BTAF1: variants seen among roughly 807,000 people sequenced by gnomAD.
The protein encoded by BTAF1 is TATA-binding protein-associated factor 172.
Under a neutral mutation model 227.1 loss-of-function variants are expected in BTAF1, and 38 were observed. The observed-to-expected ratio is 0.17, with a 90% CI of 0.13 to 0.22. The LOEUF is 0.22. BTAF1 is among the 10% of genes least tolerant of loss of function. The probability of loss-of-function intolerance (pLI) is 1.00; values close to 1 mark genes in which losing one functional copy is unlikely to be tolerated. For missense variants in BTAF1, 1,598 were observed against 2,204.0 expected (o/e 0.73, Z 5.51); for synonymous variants, 742 against 751.9 (o/e 0.99, Z 0.21).
intron 1 of BTAF1, among the ~76,000 whole-genome samples, chr10:91,932,323 A>T (rs1844325382): frequency 6.6e-6 from 1 of 152,208 alleles, no homozygotes; most frequent in Non-Finnish European, 1.5e-5. Flanking sequence ...TGATCTTTTC[A>T]GTTACTGAAA....
chr10:92,011,724 G>A (rs948952314), intron 30 of BTAF1, among the ~76,000 whole-genome samples: 3 of 152,150 alleles, frequency 2.0e-5, no homozygotes, highest in Non-Finnish European at 2.9e-5. Context: ...GTAGTACACT[G>A]CAATCTGATT....
intron 1 of BTAF1, among the ~76,000 whole-genome samples, chr10:91,924,960 T>C (rs1341574413): frequency 6.6e-6 from 1 of 152,246 alleles, no homozygotes; most frequent in African/African-American, 2.4e-5. Flanking sequence ...TGGATTCTTT[T>C]ACCATATAGA....
rs764475611 is a variant in BTAF1 at position 91,997,628 on chromosome 10, T to C, written c.3537T>C (p.Gly1179=). 5 of 1,613,344 alleles carry C rather than the reference T, an allele frequency of 3.1e-6. No homozygotes were observed. Among genetic ancestry groups the C allele is most frequent in the Non-Finnish European group, 3.4e-6 (4 of 1,179,422 alleles). The change falls in exon 25 of 38, where the codon GGT becomes GGC. Residue 1179 remains glycine, a synonymous_variant. Coordinates refer to ENST00000265990, the MANE Select transcript of BTAF1 (RefSeq NM_003972.3). The part of the protein sequence containing the change: ...LACVMEQLDV[G]IVPYIVLLVV... ...GTGTAATGGAACAACTAGATGTTGGTATTGTTCCATATATTGTCCTTTTAG... is the reference window on the plus strand; with the variant it reads ...GTGTAATGGAACAACTAGATGTTGGCATTGTTCCATATATTGTCCTTTTAG...
chr10:91,955,888 G>C (rs772636187), intron 6 of BTAF1, among the ~76,000 whole-genome samples: 37 of 152,194 alleles, frequency 2.4e-4, no homozygotes, highest in Non-Finnish European at 4.1e-4. Context: ...AAGATGGAGA[G>C]AGGGGAGAAG....
At chr10:91,954,658 A>C (rs985333272) in intron 6 of BTAF1, among the ~76,000 whole-genome samples, 1 of 152,092 alleles carries the variant, frequency 6.6e-6, no homozygotes, top group Non-Finnish European at 1.5e-5. Flanking sequence ...CCCAGGCTCA[A>C]GCAATCCTCC....
intron 6 of BTAF1, 118 bp from the exon 7 acceptor site, chr10:91,956,410 G>T (rs539358185): frequency 8.0e-7 from 1 of 1,243,906 alleles, no homozygotes; most frequent in South Asian, 1.5e-5. Context: ...TAAAACATTT[G>T]TTTAAATGAT....
At chr10:91,962,451 G>A in intron 11 of BTAF1, 87 bp from the exon 12 acceptor site, 5 of 934,752 alleles carry the variant, frequency 5.3e-6, no homozygotes, top group Non-Finnish European at 6.4e-6. Flanking sequence ...GAATTTAGCT[G>A]TCATGTGGCA....
chr10:91,995,210 G>A (rs1246132232), intron 23 of BTAF1, among the ~76,000 whole-genome samples: 1 of 152,012 alleles, frequency 6.6e-6, no homozygotes, highest in African/African-American at 2.4e-5. Context: ...CTCTGCAATA[G>A]GAAGCTGTCT....
At chr10:91,969,040 A>T (rs1057305268) in intron 14 of BTAF1, among the ~76,000 whole-genome samples, 15 of 130,492 alleles carry the variant, frequency 1.1e-4, no homozygotes, top group East Asian at 2.2e-4. Context: ...AAAAAAAAAA[A>T]TTTTTTTTTT....
At chr10:91,969,273 A>G (rs1195354526) in intron 14 of BTAF1, among the ~76,000 whole-genome samples, 2 of 152,072 alleles carry the variant, frequency 1.3e-5, no homozygotes, top group Non-Finnish European at 2.9e-5. Flanking sequence ...CCAACTTTAC[A>G]TTACTAGAAA....
intron 17 of BTAF1, 56 bp downstream of exon 17, chr10:91,982,281 G>A: frequency 6.2e-7 from 1 of 1,609,778 alleles, no homozygotes; most frequent in East Asian, 2.2e-5. Context: ...GCTTTCAAAG[G>A]TTATTTAACC....
chr10:92,022,676 C>T (rs1851222874), intron 34 of BTAF1, among the ~76,000 whole-genome samples: 1 of 152,074 alleles, frequency 6.6e-6, no homozygotes. Flanking sequence ...CATTAGCATC[C>T]CACAGTGCTG....
intron 4 of BTAF1, among the ~76,000 whole-genome samples, chr10:91,948,789 T>C (rs1239889823): frequency 6.6e-6 from 1 of 151,470 alleles, no homozygotes; most frequent in African/African-American, 2.4e-5. Context: ...TTTAAAATTT[T>C]TTGTCCAGAT....
At chr10:92,027,600 C>T (rs970521375) in intron 37 of BTAF1, among the ~76,000 whole-genome samples, 4 of 152,020 alleles carry the variant, frequency 2.6e-5, no homozygotes, top group Non-Finnish European at 5.9e-5. Flanking sequence ...AGTTCTTGGC[C>T]CTGCCTCCTG....
intron 6 of BTAF1, among the ~76,000 whole-genome samples, chr10:91,954,799 C>T (rs888586191): frequency 7.2e-5 from 11 of 152,150 alleles, no homozygotes; most frequent in African/African-American, 9.7e-5. Context: ...CTCAAGTGGT[C>T]CTCCTTCCTC....
At position 91,924,041 on chromosome 10, in the gene BTAF1, A is replaced by G. The variant is rs1210644494; in HGVS notation, c.-36A>G. The stretch of plus-strand genomic sequence containing the variant: ...CTAGCGCCTCAGCTGCGCGGCGCGT[A>G]GGTCGCGGGGAGCTCCGAACCGCCG... On this transcript the variant is annotated 5_prime_UTR_variant, in exon 1 of 38. It removes the in-frame stop codon of an upstream open reading frame in the 5' UTR. Transcript: ENST00000265990. The G allele has an allele frequency of 2.5e-6, 4 of 1,601,946 alleles. No homozygotes were observed. The East Asian group carries it at 6.8e-5, about 27-fold the overall frequency.
At chr10:91,960,267 C>G (rs1264004042) in intron 11 of BTAF1, 113 bp downstream of exon 11, 10 of 1,180,102 alleles carry the variant, frequency 8.5e-6, no homozygotes, top group African/African-American at 3.1e-5. Flanking sequence ...AGAAGCCAGT[C>G]TTCCAAGATT....
chr10:92,009,220 A>T lies in BTAF1; in HGVS notation c.4103+12A>T. On this transcript the variant is annotated intron_variant, in intron 28 of 37. Transcript: ENST00000265990. The stretch of plus-strand genomic sequence containing the variant: ...ACTGAAAGAATAAGGTAAGAGTTGT[A>T]TGACAATAACAAAATATTTCATCTG... The T allele has an allele frequency of 6.2e-7, 1 of 1,607,746 alleles. No individual in the cohort carries two copies. Among genetic ancestry groups the T allele is most frequent in the Non-Finnish European group, 8.5e-7 (1 of 1,176,114 alleles).
intron 1 of BTAF1, 138 bp from the exon 2 acceptor site, chr10:91,935,519 A>T: frequency 1.2e-6 from 1 of 867,904 alleles, no homozygotes; most frequent in Non-Finnish European, 1.6e-6. Context: ...GGCTTATTTC[A>T]CCATAATGTC....
Sources: allele counts gnomAD v4.1 joint callset (sites outside exome capture counted in the v4.1 genomes callset), GRCh38; gene constraint gnomAD v4.1.1; transcripts MANE v1.5; gene names NCBI Gene and HGNC (gene_info 2026-07-23, HGNC 2026-07-21).